SLC24A2: variants seen among roughly 807,000 people sequenced by gnomAD.
SLC24A2 encodes solute carrier family 24 member 2.
In SLC24A2, 36 loss-of-function variants were observed where a neutral mutation model predicts 62.0. The ratio of observed to expected loss-of-function variants is 0.58; its 90% CI spans 0.44 to 0.77. SLC24A2 has a LOEUF of 0.77. Ranked by LOEUF, SLC24A2 falls within the 30% of genes least tolerant of loss-of-function variation. The pLI, the probability that SLC24A2 is intolerant of heterozygous loss-of-function variation, is 0.00. For missense variants in SLC24A2, 846 were observed against 817.9 expected, an observed-to-expected ratio of 1.03 and a Z score of -0.42; for synonymous variants, 358 against 294.0, an observed-to-expected ratio of 1.22 and a Z score of -2.23.
At chr9:19,992,806 T>A in the SLC24A2 span, among the ~76,000 whole-genome samples, 8 of 152,308 alleles carry the variant, frequency 5.3e-5, no homozygotes, top group African/African-American at 1.9e-4. Flanking sequence ...AATGTACTTG[T>A]GACCTTAAAT....
chr9:19,746,520 AG>A (rs1174266688), intron 2 of SLC24A2, among the ~76,000 whole-genome samples: 1 of 152,150 alleles, frequency 6.6e-6, no homozygotes, highest in East Asian at 1.9e-4. Flanking sequence ...ATAATAGTCT[AG>A]GGTGTCAATA....
chr9:19,974,181 T>C, the SLC24A2 span, among the ~76,000 whole-genome samples: 3 of 152,180 alleles, frequency 2.0e-5, no homozygotes, highest in African/African-American at 7.2e-5. Flanking sequence ...TGCCACTCTA[T>C]AGAATTTAAT....
intron 2 of SLC24A2, among the ~76,000 whole-genome samples, chr9:19,751,540 C>G (rs935287148): frequency 2.0e-5 from 3 of 152,082 alleles, no homozygotes; most frequent in Admixed American, 6.6e-5. Context: ...GCCTTGAGAA[C>G]CACTGATCTC....
chr9:20,177,799 T>C, the SLC24A2 span, among the ~76,000 whole-genome samples: 4 of 152,262 alleles, frequency 2.6e-5, no homozygotes, highest in Non-Finnish European at 5.9e-5. Flanking sequence ...ATTATACTAT[T>C]TACACTATTA....
chr9:19,524,495 T>C (rs1226722178), intron 9 of SLC24A2, among the ~76,000 whole-genome samples: 3 of 150,800 alleles, frequency 2.0e-5, no homozygotes, highest in African/African-American at 7.3e-5. Flanking sequence ...TGCCAAACAG[T>C]AGCCAAATTA....
At chr9:19,853,293 C>A in the SLC24A2 span, among the ~76,000 whole-genome samples, 1 of 152,064 alleles carries the variant, frequency 6.6e-6, no homozygotes, top group Non-Finnish European at 1.5e-5. Flanking sequence ...TTTGAATACC[C>A]TTTATTTTTT....
chr9:20,136,367 G>C, the SLC24A2 span, among the ~76,000 whole-genome samples: 1 of 152,160 alleles, frequency 6.6e-6, no homozygotes, highest in Non-Finnish European at 1.5e-5. Flanking sequence ...CAAAGGAGCT[G>C]AGAAGGAACA....
At chr9:19,608,317 CT>C (rs879339807) in intron 4 of SLC24A2, among the ~76,000 whole-genome samples, 314 of 142,968 alleles carry the variant, frequency 2.2e-3, no homozygotes, top group Middle Eastern at 3.6e-3. Flanking sequence ...CATTTTGAAG[CT>C]TTTTTTTTTT....
chr9:19,904,775 G>A, the SLC24A2 span, among the ~76,000 whole-genome samples: 1 of 151,970 alleles, frequency 6.6e-6, no homozygotes, highest in Non-Finnish European at 1.5e-5. Context: ...CTTACTGAAT[G>A]GATCCACACT....
intron 2 of SLC24A2, among the ~76,000 whole-genome samples, chr9:19,749,110 G>A (rs945955336): frequency 6.7e-5 from 10 of 148,868 alleles, no homozygotes; most frequent in African/African-American, 2.5e-4. Context: ...ACCGACCCAA[G>A]TTACCTCTCT....
At chr9:19,798,842 T>G in the SLC24A2 span, among the ~76,000 whole-genome samples, 1 of 152,220 alleles carries the variant, frequency 6.6e-6, no homozygotes, top group Admixed American at 6.5e-5. Context: ...AAATAAGGTA[T>G]GCCCTTTCTC....
intron 2 of SLC24A2, among the ~76,000 whole-genome samples, chr9:19,759,128 C>A (rs964824169): frequency 5.9e-5 from 9 of 152,166 alleles, no homozygotes; most frequent in Admixed American, 1.3e-4. Context: ...ACAAAAGACA[C>A]CTACAAACAG....
Position 19,508,180 on chromosome 9 carries a change from CAA to C in SLC24A2, c.*7971_*7972del, listed in dbSNP as rs1832574822. ...TTTTTGACTTGAGCAGAAGAAATAT[CAA>C]GGCTAGATGCAGGGTATATATGTGT... is the stretch of plus-strand genomic sequence containing the variant. On this transcript the variant is annotated 3_prime_UTR_variant, in exon 11 of 11. Coordinates refer to ENST00000341998, the MANE Select transcript of SLC24A2 (RefSeq NM_020344.4). The C allele has an allele frequency of 1.3e-5, 2 of 152,128 alleles. No homozygotes were observed. The highest frequency in any genetic ancestry group is 2.4e-5 in the African/African-American group (1 of 41,416). 9.4% of individuals were successfully genotyped at this position (152,128 alleles called of 1,614,324 possible).
chr9:20,185,874 C>A, the SLC24A2 span, among the ~76,000 whole-genome samples: 1 of 152,182 alleles, frequency 6.6e-6, no homozygotes, highest in South Asian at 2.1e-4. Context: ...AAAGCAGACA[C>A]CCCCACACTC....
At chr9:20,297,110 G>A in the SLC24A2 span, among the ~76,000 whole-genome samples, 1 of 152,028 alleles carries the variant, frequency 6.6e-6, no homozygotes, top group Non-Finnish European at 1.5e-5. Flanking sequence ...GTGTCCTTTG[G>A]TATTATGACC....
chr9:20,074,665 G>T, the SLC24A2 span, among the ~76,000 whole-genome samples: 1 of 150,908 alleles, frequency 6.6e-6, no homozygotes, highest in Admixed American at 6.6e-5. Context: ...GAGGGGAACA[G>T]CTTTTATTTT....
chr9:19,577,282 G>T (rs972805742), intron 5 of SLC24A2, among the ~76,000 whole-genome samples: 1 of 148,514 alleles, frequency 6.7e-6, no homozygotes, highest in Non-Finnish European at 1.5e-5. Flanking sequence ...CAACACTAAA[G>T]CTTCCCTACT....
the SLC24A2 span, among the ~76,000 whole-genome samples, chr9:20,001,169 C>A: frequency 1.3e-5 from 2 of 152,222 alleles, no homozygotes; most frequent in Non-Finnish European, 2.9e-5. Flanking sequence ...GCAGAGCCTG[C>A]ATTGTCCCTG....
chr9:19,660,883 C>T (rs1392065729), intron 2 of SLC24A2, among the ~76,000 whole-genome samples: 1 of 152,144 alleles, frequency 6.6e-6, no homozygotes, highest in African/African-American at 2.4e-5. Context: ...ATTTTACAGA[C>T]AAGGAAGCTG....
Sources: allele counts gnomAD v4.1 joint callset (sites outside exome capture counted in the v4.1 genomes callset), GRCh38; gene constraint gnomAD v4.1.1; transcripts MANE v1.5; gene names NCBI Gene and HGNC (gene_info 2026-07-23, HGNC 2026-07-21).